ZFP64: variants seen among roughly 807,000 people sequenced by gnomAD.
ZFP64 encodes the protein ZFP64 zinc finger protein.
ZFP64 carries 14 observed loss-of-function variants against 51.6 expected under a neutral mutation model. That is an observed-to-expected ratio of 0.27 (90% CI 0.18 to 0.42). The LOEUF (loss-of-function observed/expected upper bound fraction) is 0.42, where lower values mean the gene tolerates loss of function less well. Ranked by LOEUF, ZFP64 falls within the 10% of genes least tolerant of loss-of-function variation. The pLI is 1.00. For missense variants in ZFP64, 754 were observed against 906.8 expected, an observed-to-expected ratio of 0.83 and a Z score of 2.16; for synonymous variants, 375 against 361.4, an observed-to-expected ratio of 1.04 and a Z score of -0.43.
intron 5 of ZFP64, among the ~76,000 whole-genome samples, chr20:52,104,313 C>T (rs931336175): frequency 6.6e-6 from 1 of 152,206 alleles, no homozygotes; most frequent in African/African-American, 2.4e-5. Context: ...CCCGCAGGCT[C>T]TTCTGAAGCG....
At chr20:52,173,587 A>C (rs953594260) in intron 2 of ZFP64, among the ~76,000 whole-genome samples, 1 of 152,162 alleles carries the variant, frequency 6.6e-6, no homozygotes, top group Non-Finnish European at 1.5e-5. Flanking sequence ...GACCGTCTCT[A>C]GAAAAACAAA....
At chr20:52,088,365 A>T (rs762096768) in intron 8 of ZFP64, 3 of 1,609,616 alleles carry the variant, frequency 1.9e-6, no homozygotes, top group Non-Finnish European at 2.5e-6. Context: ...AAAGTAAGGG[A>T]TTGAGGTTTC....
At chr20:52,117,155 G>T (rs985553412) in intron 5 of ZFP64, among the ~76,000 whole-genome samples, 1 of 152,218 alleles carries the variant, frequency 6.6e-6, no homozygotes, top group African/African-American at 2.4e-5. Context: ...TGATTCACAT[G>T]TGAAAGTTTC....
chr20:52,152,991 C>T lies in ZFP64; in HGVS notation c.1201G>A (p.Glu401Lys), dbSNP rs1440613311. 6.2e-7 allele frequency: 1 copy of T among 1,613,916 alleles called. No individual in the cohort carries two copies. The highest frequency in any genetic ancestry group is 8.5e-7 in the Non-Finnish European group (1 of 1,180,046). Residue 401 changes from glutamate (E) to lysine (K), a missense_variant, in exon 6 of 6, where the codon GAG becomes AAG. Coordinates refer to ENST00000216923, the MANE Select transcript of ZFP64 (RefSeq NM_018197.3). Reference sequence around the variant, plus strand: ...CCGGTGTCCTTCCTCTCTAGAGCCTCAGTCTTAACCATGTCCCCATGGAAC... The same window carrying T: ...CCGGTGTCCTTCCTCTCTAGAGCCTTAGTCTTAACCATGTCCCCATGGAAC... Reference protein sequence around the residue: ...KKFHGDMVKTEALERKDTGRQ... With the variant: ...KKFHGDMVKTKALERKDTGRQ...
intron 5 of ZFP64, among the ~76,000 whole-genome samples, chr20:52,123,703 T>G (rs748418084): frequency 3.3e-4 from 50 of 152,314 alleles, no homozygotes; most frequent in Middle Eastern, 3.4e-3. Flanking sequence ...TCATACTGTT[T>G]TGTTACTACC....
intron 2 of ZFP64, among the ~76,000 whole-genome samples, chr20:52,172,572 T>A (rs553710012): frequency 2.0e-5 from 3 of 152,058 alleles, no homozygotes; most frequent in Non-Finnish European, 4.4e-5. Context: ...ACGCCCCACA[T>A]CTGCTGAGGC....
chr20:52,191,554 GC>G lies in ZFP64; in HGVS notation c.46+36del. 6.5e-7 allele frequency: 1 copy of G among 1,541,662 alleles called. No homozygotes were observed. Among genetic ancestry groups the G allele is most frequent in the Non-Finnish European group, 8.7e-7 (1 of 1,149,228 alleles). On this transcript the variant is annotated intron_variant, in intron 1 of 5. Coordinates refer to ENST00000216923, the MANE Select transcript of ZFP64 (RefSeq NM_018197.3). The surrounding 1 kb of genome is among the most constrained non-coding windows in gnomAD (Gnocchi z 4.3). ...GCCCGGGCCCCGGAGCGCGCACTGG[GC>G]CCCGGAGCGCGCACTGCTCCCGGAA... is the stretch of plus-strand genomic sequence containing the variant.
In ZFP64 at chr20:52,176,429, C is replaced by T. The variant is rs73914235; in HGVS notation, c.286+10403G>A. 9.6e-3 allele frequency among the ~76,000 whole-genome samples: 1,467 copies of T among 152,140 alleles called. 24 individuals are homozygous for T. Among genetic ancestry groups the T allele is most frequent in the African/African-American group, 0.034 (1,413 of 41,496 alleles). ...GGGTGGGGCCGAGACTCTGCCTTCC[C>T]AGCATTTCCAACAAGCCCTTTGAGC... On this transcript the variant is annotated intron_variant, in intron 2 of 5. Coordinates refer to ENST00000216923, the MANE Select transcript of ZFP64 (RefSeq NM_018197.3).
intron 5 of ZFP64, among the ~76,000 whole-genome samples, chr20:52,125,247 T>C (rs6123133): frequency 0.42 from 64,110 of 152,024 alleles, 14,536 homozygotes; most frequent in Admixed American, 0.51. Flanking sequence ...GAAACTGACA[T>C]TGATCAATGA....
intron 5 of ZFP64, among the ~76,000 whole-genome samples, chr20:52,158,533 C>G (rs1286783936): frequency 6.6e-6 from 1 of 152,046 alleles, no homozygotes; most frequent in African/African-American, 2.4e-5. Context: ...TGGTGAAATC[C>G]CATCTCTACT....
At chr20:52,121,808 A>G (rs868216921) in intron 5 of ZFP64, among the ~76,000 whole-genome samples, 10 of 152,326 alleles carry the variant, frequency 6.6e-5, no homozygotes, top group Middle Eastern at 3.4e-3. Flanking sequence ...AGGAGAAGTC[A>G]ATGTCTGGCT....
intron 5 of ZFP64, among the ~76,000 whole-genome samples, chr20:52,104,326 G>A (rs1003819563): frequency 1.6e-4 from 25 of 152,232 alleles, no homozygotes; most frequent in Admixed American, 1.2e-3. Flanking sequence ...CTGAAGCGGA[G>A]GATCCCGGGA....
rs929817002 is a variant in ZFP64, at chr20:52,152,519, G to A, written c.1673C>T (p.Pro558Leu). Residue 558 changes from proline to leucine, a missense_variant, in exon 6 of 6, where the codon CCG becomes CTG. Coordinates refer to ENST00000216923, the MANE Select transcript of ZFP64 (RefSeq NM_018197.3). ...CTGGGTCATTGCGCCCGCCTCGCTC[G>A]GACACCGCGAGGACTGAGGGGGGGC... ...LIAPPQSSRC[P>L]SEAGAMTQPA... 9.4e-6 allele frequency: 15 copies of A among 1,601,962 alleles called. No homozygotes were observed. The highest frequency in any genetic ancestry group is 1.3e-5 in the African/African-American group (1 of 74,832).
downstream of ZFP64, among the ~76,000 whole-genome samples, chr20:52,146,381 A>C (rs919509809): frequency 7.1e-6 from 1 of 141,746 alleles, no homozygotes; most frequent in African/African-American, 2.5e-5. Context: ...CATATACACC[A>C]TGGAATACTA....
intron 5 of ZFP64, among the ~76,000 whole-genome samples, chr20:52,120,072 G>A (rs989604751): frequency 6.6e-6 from 1 of 152,096 alleles, no homozygotes; most frequent in African/African-American, 2.4e-5. Flanking sequence ...AGGAATTAGT[G>A]CCCTTATAAA....
intron 5 of ZFP64, among the ~76,000 whole-genome samples, chr20:52,128,588 T>G (rs916349298): frequency 9.2e-5 from 14 of 152,218 alleles, no homozygotes; most frequent in Admixed American, 9.2e-4. Flanking sequence ...TGATCTGCTT[T>G]GTGGCACCTA....
At chr20:52,184,630 TTTTTA>T (rs957037200) in intron 2 of ZFP64, among the ~76,000 whole-genome samples, 2 of 93,342 alleles carry the variant, frequency 2.1e-5, no homozygotes, top group Non-Finnish European at 4.2e-5. Context: ...AAATCCCTCT[TTTTTA>T]TTTTATTTAA....
In ZFP64 at chr20:52,127,351, C is replaced by T. The variant is rs535556975; in HGVS notation, c.764-28764G>A. On this transcript the variant is annotated intron_variant, in intron 5 of 8. Coordinates refer to the ZFP64 transcript ENST00000361387. ...AGTGATATGGTTAGGCTTTGTGTTCCCACCCAAATCTCATCTTGAATTATG... is the reference window on the plus strand; with the variant it reads ...AGTGATATGGTTAGGCTTTGTGTTCTCACCCAAATCTCATCTTGAATTATG... Among the ~76,000 whole-genome samples the T allele has an allele frequency of 1.1e-4, 16 of 151,898 alleles. No homozygotes were observed. The East Asian group carries it at 2.9e-3, about 28-fold the overall frequency.
At chr20:52,117,080 C>T (rs1024634712) in intron 5 of ZFP64, among the ~76,000 whole-genome samples, 13 of 147,768 alleles carry the variant, frequency 8.8e-5, no homozygotes, top group African/African-American at 2.5e-4. Flanking sequence ...CACACACACA[C>T]GCACACACAC....
Sources: allele counts gnomAD v4.1 joint callset (sites outside exome capture counted in the v4.1 genomes callset), GRCh38; gene constraint gnomAD v4.1.1; non-coding constraint Gnocchi (gnomAD v3.1); transcripts MANE v1.5; gene names NCBI Gene and HGNC (gene_info 2026-07-23, HGNC 2026-07-21).